NR2C2: variants seen among roughly 807,000 people sequenced by gnomAD.
NR2C2 encodes the protein Nuclear hormone receptor TR4.
In NR2C2, 6 loss-of-function variants were observed where a neutral mutation model predicts 62.9. That is an observed-to-expected ratio of 0.10 (90% CI 0.05 to 0.19). The LOEUF (loss-of-function observed/expected upper bound fraction) is 0.19, where lower values mean the gene tolerates loss of function less well. NR2C2 is among the 10% of genes least tolerant of loss of function. The pLI is 1.00. For synonymous variants in NR2C2, 272 were observed against 273.8 expected (o/e 0.99, Z 0.07); for missense variants, 479 against 762.7 (o/e 0.63, Z 4.38).
intron 1 of NR2C2, among the ~76,000 whole-genome samples, chr3:14,954,255 A>G (rs916195824): frequency 2.6e-5 from 4 of 152,186 alleles, no homozygotes; most frequent in Non-Finnish European, 4.4e-5. Flanking sequence ...TATTTAATAT[A>G]ATACAGATTT....
At chr3:15,001,118 T>C (rs926179874) in intron 1 of NR2C2, among the ~76,000 whole-genome samples, 1 of 151,840 alleles carries the variant, frequency 6.6e-6, no homozygotes, top group African/African-American at 2.4e-5. Context: ...CCAGCCTATT[T>C]AGGTGTTTTA....
intron 2 of NR2C2, among the ~76,000 whole-genome samples, chr3:15,006,051 T>TA (rs1214277776): frequency 6.6e-6 from 1 of 151,824 alleles, no homozygotes; most frequent in Admixed American, 6.6e-5. Flanking sequence ...ACAAAAAAAC[T>TA]AAAAAATTAG....
In NR2C2 at chr3:14,947,726, A is replaced by C; in HGVS notation, c.-220A>C. 1 of 142,630 alleles carries C rather than the reference A, an allele frequency of 7.0e-6. No individual in the cohort carries two copies. Among genetic ancestry groups the C allele is most frequent in the African/African-American group, 2.6e-5 (1 of 38,416 alleles). 8.8% of individuals were successfully genotyped at this position (142,630 alleles called of 1,614,324 possible). On this transcript the variant is annotated 5_prime_UTR_variant, in exon 1 of 14. Transcript: ENST00000425241. Reference sequence around the variant, plus strand: ...CGGCGCCCCCGGGCCCGTCCCCGCCACCCCGCTCCCACCTCGGCGTCTCGT... The same window carrying C: ...CGGCGCCCCCGGGCCCGTCCCCGCCCCCCCGCTCCCACCTCGGCGTCTCGT...
At chr3:15,023,110 C>G in intron 5 of NR2C2, 90 bp from the exon 6 acceptor site, 3 of 1,417,342 alleles carry the variant, frequency 2.1e-6, no homozygotes, top group East Asian at 2.3e-5. Flanking sequence ...GAGTCATCCT[C>G]CCTGCAGTAA....
chr3:14,982,323 G>T (rs886519165), intron 1 of NR2C2, among the ~76,000 whole-genome samples: 1 of 152,172 alleles, frequency 6.6e-6, no homozygotes, highest in Admixed American at 6.5e-5. Context: ...GTGAGCCACT[G>T]TGCCCATTCT....
At chr3:14,969,401 C>A (rs1432064197) in intron 1 of NR2C2, among the ~76,000 whole-genome samples, 2 of 151,982 alleles carry the variant, frequency 1.3e-5, no homozygotes, top group Admixed American at 6.6e-5. Flanking sequence ...TGCCACCACA[C>A]CCAGCTAATT....
At chr3:14,951,041 T>C (rs1190044069) in intron 1 of NR2C2, among the ~76,000 whole-genome samples, 1 of 152,262 alleles carries the variant, frequency 6.6e-6, no homozygotes, top group Non-Finnish European at 1.5e-5. Context: ...CAAGTTTAAG[T>C]GCATGAAAGT....
intron 1 of NR2C2, among the ~76,000 whole-genome samples, chr3:15,003,588 T>C (rs918075287): frequency 2.6e-5 from 4 of 152,244 alleles, no homozygotes; most frequent in Admixed American, 6.5e-5. Flanking sequence ...AATGTTGTTT[T>C]GGTAGGTTTT....
At chr3:14,951,817 G>A (rs1056021755) in intron 1 of NR2C2, among the ~76,000 whole-genome samples, 1 of 151,752 alleles carries the variant, frequency 6.6e-6, no homozygotes, top group Non-Finnish European at 1.5e-5. Context: ...GTGCGATCTC[G>A]GCTCACTGCA....
rs757042503 is a variant in NR2C2 at position 15,044,077 on chromosome 3, C to T, written c.*1069C>T. On this transcript the variant is annotated 3_prime_UTR_variant, in exon 14 of 14. Transcript: ENST00000425241. ...CCCAGGGCTTTCCACTCCAAATGCC[C>T]CCTTGAAAAGGGCTCGTGTTTCTGC... The T allele has an allele frequency of 6.6e-6, 1 of 152,060 alleles. No individual in the cohort carries two copies. The highest frequency in any genetic ancestry group is 1.5e-5 in the Non-Finnish European group (1 of 68,048). The allele number at this position is 152,060 out of a possible 1,614,324, so 9.4% of individuals were successfully genotyped here.
rs555466903 is a variant in NR2C2 at position 15,037,930 on chromosome 3, T to C, written c.1373-70T>C. The C allele has an allele frequency of 2.1e-5, 30 of 1,463,122 alleles. No homozygotes were observed. The East Asian group carries it at 2.4e-4, about 12-fold the overall frequency. 90.6% of individuals were successfully genotyped at this position (1,463,122 alleles called of 1,614,324 possible). A position where few individuals can be genotyped will look rare whatever the true frequency, so the allele number is the denominator to read the frequency against. Reference sequence around the variant, plus strand: ...AAATGGTCCCATTTCTTTCCATATGTGGCCCCTCAAATAAGCTGGTTTTAT... The same window carrying C: ...AAATGGTCCCATTTCTTTCCATATGCGGCCCCTCAAATAAGCTGGTTTTAT... On this transcript the variant is annotated intron_variant, in intron 11 of 13. Coordinates refer to ENST00000425241, the MANE Select transcript of NR2C2 (RefSeq NM_001291694.2).
intron 1 of NR2C2, among the ~76,000 whole-genome samples, chr3:14,984,832 GTTT>G (rs774923324): frequency 1.4e-5 from 2 of 145,952 alleles, no homozygotes; most frequent in Non-Finnish European, 3.0e-5. Flanking sequence ...TCATATGGTG[GTTT>G]TTTTTTTTAA....
chr3:15,041,007 A>G (rs1187489641), intron 13 of NR2C2, among the ~76,000 whole-genome samples: 1 of 152,106 alleles, frequency 6.6e-6, no homozygotes, highest in Non-Finnish European at 1.5e-5. Context: ...AAGTAGATAC[A>G]ATGTGTCTGA....
chr3:15,013,871 G>A (rs1002101173), intron 3 of NR2C2, 82 bp downstream of exon 3: 3 of 1,434,456 alleles, frequency 2.1e-6, no homozygotes, highest in Non-Finnish European at 2.9e-6. Flanking sequence ...TGCCTTCGAG[G>A]CCAAATCCAT....
chr3:14,983,304 G>A (rs62240373), intron 1 of NR2C2, among the ~76,000 whole-genome samples: 10,943 of 151,912 alleles, frequency 0.072, 435 homozygotes, highest in Middle Eastern at 0.099. Flanking sequence ...CCATGAGTTC[G>A]ATTGTCAGAT....
chr3:14,996,104 TCC>T (rs1384991457), intron 1 of NR2C2, among the ~76,000 whole-genome samples: 1 of 152,232 alleles, frequency 6.6e-6, no homozygotes, highest in Admixed American at 6.5e-5. Flanking sequence ...AATTATTTTC[TCC>T]CATTGTATCA....
At chr3:15,035,380 A>T (rs2042079567) in intron 11 of NR2C2, among the ~76,000 whole-genome samples, 1 of 152,264 alleles carries the variant, frequency 6.6e-6, no homozygotes, top group Non-Finnish European at 1.5e-5. Flanking sequence ...ATGAAGAAAA[A>T]AATGGAAAAG....
rs971182865 is a variant in NR2C2 at position 15,046,209 on chromosome 3, G to A, written c.*3201G>A. On this transcript the variant is annotated 3_prime_UTR_variant, in exon 14 of 14. Coordinates refer to ENST00000425241, the MANE Select transcript of NR2C2 (RefSeq NM_001291694.2). ...GGTTTGAGGTTCTTTTGCTGTTCTGGGCTTTATATTTAATTTCAGGTGTAG... is the reference window on the plus strand; with the variant it reads ...GGTTTGAGGTTCTTTTGCTGTTCTGAGCTTTATATTTAATTTCAGGTGTAG... 6.6e-6 allele frequency: 1 copy of A among 152,066 alleles called. No homozygotes were observed. Among genetic ancestry groups the A allele is most frequent in the Non-Finnish European group, 1.5e-5 (1 of 68,026 alleles). 9.4% of individuals were successfully genotyped at this position (152,066 alleles called of 1,614,324 possible). A position where few individuals can be genotyped will look rare whatever the true frequency, so the allele number is the denominator to read the frequency against.
At chr3:14,963,676 T>G (rs2039754140) in intron 1 of NR2C2, among the ~76,000 whole-genome samples, 1 of 152,128 alleles carries the variant, frequency 6.6e-6, no homozygotes, top group Non-Finnish European at 1.5e-5. Context: ...TTCACTGTGT[T>G]AGCCAGGATG....
Sources: gnomAD v4.1 joint callset for allele counts (sites outside exome capture counted in the v4.1 genomes callset) on GRCh38, gnomAD v4.1.1 for gene constraint, MANE v1.5 for transcripts, NCBI Gene and HGNC (gene_info 2026-07-23, HGNC 2026-07-21) for gene names.